The following PTPRD variants were observed in gnomAD, a reference collection of about 807,000 sequenced individuals.
PTPRD encodes the protein protein tyrosine phosphatase receptor type D.
In PTPRD, 34 loss-of-function variants were observed where a neutral mutation model predicts 214.5. The ratio of observed to expected loss-of-function variants is 0.16; its 90% CI spans 0.12 to 0.21. The LOEUF (loss-of-function observed/expected upper bound fraction) is 0.21, where lower values mean the gene tolerates loss of function less well. PTPRD is among the 10% of genes least tolerant of loss of function. PTPRD has a pLI of 1.00. For synonymous variants in PTPRD, 1,128 were observed against 845.7 expected (o/e 1.33, Z -5.79); for missense variants, 2,545 against 2,398.7 (o/e 1.06, Z -1.27).
chr9:9,875,201 T>A (rs766863789), intron 5 of PTPRD, among the ~76,000 whole-genome samples: 2 of 152,122 alleles, frequency 1.3e-5, no homozygotes, highest in African/African-American at 2.4e-5. Context: ...GGGCCCTAGA[T>A]AATTTCTTAA....
intron 7 of PTPRD, among the ~76,000 whole-genome samples, chr9:9,590,282 C>A (rs943159595): frequency 1.3e-5 from 2 of 151,988 alleles, no homozygotes; most frequent in African/African-American, 4.8e-5. Flanking sequence ...GAGCTCCTCA[C>A]AGGCAGCAAT....
At chr9:8,419,345 C>G (rs1017341684) in intron 35 of PTPRD, among the ~76,000 whole-genome samples, 7 of 151,706 alleles carry the variant, frequency 4.6e-5, no homozygotes, top group Non-Finnish European at 7.4e-5. Context: ...ATTTAAAACA[C>G]CTATTGTTTA....
intron 14 of PTPRD, among the ~76,000 whole-genome samples, chr9:8,600,954 G>A (rs1033985640): frequency 1.3e-5 from 2 of 152,032 alleles, no homozygotes; most frequent in African/African-American, 4.8e-5. Context: ...AAAGCACCAG[G>A]CAGGCTCTCC....
Position 10,587,898 on chromosome 9 carries a change from A to C in PTPRD, c.-600+24500T>G, listed in dbSNP as rs111939466. On this transcript the variant is annotated intron_variant, in intron 2 of 45. Transcript: ENST00000381196. ...TCATGGAAAGCTGAAAATAGGACAT[A>C]GGCCCCAAAATGGAATTAAAGCAGA... Among the ~76,000 whole-genome samples, 704 of 152,146 alleles carry C rather than the reference A, an allele frequency of 4.6e-3. 1 individual carries two copies. Among genetic ancestry groups the C allele is most frequent in the South Asian group, 0.016 (75 of 4,824 alleles).
At chr9:8,929,773 ATATATGGGTGTGTATATATGTGTGTG>A (rs1567061513) in intron 11 of PTPRD, among the ~76,000 whole-genome samples, 6 of 106,046 alleles carry the variant, frequency 5.7e-5, no homozygotes, top group African/African-American at 2.1e-4. Context: ...ATATGTGTAT[ATATATGGGTGTGTATATATGTGTGTG>A]TATATATGTG....
intron 11 of PTPRD, among the ~76,000 whole-genome samples, chr9:8,987,849 G>A (rs569679757): frequency 6.6e-6 from 1 of 152,056 alleles, no homozygotes; most frequent in Non-Finnish European, 1.5e-5. Flanking sequence ...AGGAAAGACA[G>A]GTAAATCAGG....
chr9:9,534,283 A>G (rs1386822766), intron 8 of PTPRD, among the ~76,000 whole-genome samples: 1 of 152,098 alleles, frequency 6.6e-6, no homozygotes, highest in Admixed American at 6.6e-5. Flanking sequence ...TATTTATACA[A>G]TATTGAAAGA....
At chr9:10,226,914 T>A (rs1373215708) in intron 3 of PTPRD, among the ~76,000 whole-genome samples, 1 of 151,994 alleles carries the variant, frequency 6.6e-6, no homozygotes, top group East Asian at 1.9e-4. Context: ...TTCAACTATT[T>A]GGGGGGTAAA....
intron 14 of PTPRD, among the ~76,000 whole-genome samples, chr9:8,531,943 CCTTT>C (rs1185211533): frequency 1.3e-5 from 2 of 152,030 alleles, no homozygotes; most frequent in East Asian, 3.9e-4. Flanking sequence ...ATTTTCATGA[CCTTT>C]CTCTTCCTTC....
intron 3 of PTPRD, among the ~76,000 whole-genome samples, chr9:10,232,667 T>C (rs2099615623): frequency 6.6e-6 from 1 of 152,048 alleles, no homozygotes; most frequent in South Asian, 2.1e-4. Flanking sequence ...TTCCTTCTGC[T>C]TCCCCTCCTT....
chr9:9,179,640 C>T (rs533665895), intron 10 of PTPRD, among the ~76,000 whole-genome samples: 2 of 152,226 alleles, frequency 1.3e-5, no homozygotes, highest in African/African-American at 2.4e-5. Context: ...AAAAGACATA[C>T]ACCCTCCTTT....
At chr9:8,380,089 T>G (rs898022120) in intron 37 of PTPRD, among the ~76,000 whole-genome samples, 3 of 152,060 alleles carry the variant, frequency 2.0e-5, no homozygotes, top group Admixed American at 6.6e-5. Flanking sequence ...TTTTTGTGTG[T>G]GGGGGGTTGT....
intron 3 of PTPRD, among the ~76,000 whole-genome samples, chr9:10,196,412 C>T (rs1359825664): frequency 2.0e-5 from 3 of 152,066 alleles, no homozygotes; most frequent in South Asian, 2.1e-4. Context: ...AGTATTAGTT[C>T]CCACTACCAT....
At chr9:9,210,060 C>T (rs1472053520) in intron 9 of PTPRD, among the ~76,000 whole-genome samples, 1 of 152,042 alleles carries the variant, frequency 6.6e-6, no homozygotes, top group Non-Finnish European at 1.5e-5. Flanking sequence ...CCAACCTTTG[C>T]CCCAGCGGAA....
intron 3 of PTPRD, among the ~76,000 whole-genome samples, chr9:10,124,648 A>G (rs1460850933): frequency 2.0e-5 from 3 of 152,304 alleles, no homozygotes; most frequent in East Asian, 3.9e-4. Context: ...GGGAGTTAGC[A>G]TAACTTTTTA....
chr9:8,469,424 A>G (rs981900476), intron 31 of PTPRD, among the ~76,000 whole-genome samples: 7 of 152,056 alleles, frequency 4.6e-5, no homozygotes, highest in Non-Finnish European at 8.8e-5. Context: ...AGATTCTACA[A>G]GTTGCCTTTG....
At chr9:10,057,130 T>C (rs1310287338) in intron 3 of PTPRD, among the ~76,000 whole-genome samples, 1 of 152,176 alleles carries the variant, frequency 6.6e-6, no homozygotes, top group Non-Finnish European at 1.5e-5. Flanking sequence ...TAAATTTTCC[T>C]GGATTTAATT....
intron 9 of PTPRD, among the ~76,000 whole-genome samples, chr9:9,264,898 GAAAA>G (rs34152157): frequency 7.1e-6 from 1 of 141,406 alleles, no homozygotes; most frequent in African/African-American, 2.6e-5. Flanking sequence ...AGTGATGAAA[GAAAA>G]AAAAAAAAAA....
At chr9:8,776,297 T>C (rs902958174) in intron 11 of PTPRD, among the ~76,000 whole-genome samples, 2 of 152,118 alleles carry the variant, frequency 1.3e-5, no homozygotes, top group Non-Finnish European at 2.9e-5. Context: ...ACCTCAAAAG[T>C]AGGCATTTTT....
Sources: allele counts gnomAD v4.1 joint callset (sites outside exome capture counted in the v4.1 genomes callset), GRCh38; gene constraint gnomAD v4.1.1; transcripts MANE v1.5; gene names NCBI Gene and HGNC (gene_info 2026-07-23, HGNC 2026-07-21).